Variants in CPED1 observed in about 807,000 individuals in gnomAD.
CPED1 encodes the protein cadherin like and PC-esterase domain containing 1.
CPED1 carries 114 observed loss-of-function variants against 128.2 expected under a neutral mutation model. The ratio of observed to expected loss-of-function variants is 0.89; its 90% CI spans 0.76 to 1.04. The LOEUF (loss-of-function observed/expected upper bound fraction) is 1.04. Ranked by LOEUF, CPED1 falls within the 50% of genes least tolerant of loss-of-function variation. The pLI is 0.00. For synonymous variants in CPED1, 462 were observed against 426.7 expected (o/e 1.08, Z -1.02); for missense variants, 1,211 against 1,207.1 (o/e 1.00, Z -0.05).
At position 121,128,993 on chromosome 7, in the gene CPED1, G is replaced by GATATA. The variant is rs1584533224; in HGVS notation, c.1407+507_1407+508insATATA. Among the ~76,000 whole-genome samples the GATATA allele has an allele frequency of 2.6e-5, 4 of 151,610 alleles. No individual in the cohort carries two copies. The East Asian group carries it at 5.8e-4, about 22-fold the overall frequency. On this transcript the variant is annotated intron_variant, in intron 11 of 22. Coordinates refer to ENST00000310396, the MANE Select transcript of CPED1 (RefSeq NM_024913.5). ...AATGTAAATAATTATAACTTTTACT[G>GATATA]GCTTATATCTTTTAAAAAAGGCATT...
chr7:121,169,156 C>T (rs972586829), intron 16 of CPED1, among the ~76,000 whole-genome samples: 26 of 152,246 alleles, frequency 1.7e-4, no homozygotes, highest in African/African-American at 6.0e-4. Context: ...CAAGTTTCAA[C>T]ATTAAATAGG....
Position 121,128,382 on chromosome 7 carries a change from G to C in CPED1, c.1303G>C (p.Gly435Arg). 1 of 1,539,924 alleles carries C rather than the reference G, an allele frequency of 6.5e-7. No homozygotes were observed. The highest frequency in any genetic ancestry group is 9.0e-7 in the Non-Finnish European group (1 of 1,113,326). ...AAGTTCTTTCCCCCTACCAATACAGGGTGAAAACTATCAAAAGGAACTAAA... is the reference window on the plus strand; with the variant it reads ...AAGTTCTTTCCCCCTACCAATACAGCGTGAAAACTATCAAAAGGAACTAAA... Reference protein sequence around the residue: ...QRLYRSDVFKGENYQKELNQC... With the variant: ...QRLYRSDVFKRENYQKELNQC... Residue 435 changes from glycine (G) to arginine (R), a missense_variant and splice_region_variant, in exon 11 of 23, where the codon GGT becomes CGT. Transcript: ENST00000310396.
Position 120,989,798 on chromosome 7 carries a change from C to A in CPED1, c.177C>A (p.Ser59Arg), listed in dbSNP as rs755272926. 8.7e-6 allele frequency: 14 copies of A among 1,613,956 alleles called. No homozygotes were observed. Among genetic ancestry groups the A allele is most frequent in the African/African-American group, 1.3e-5 (1 of 74,888 alleles). The change falls in exon 2 of 23, where the codon AGC (serine) becomes AGA (arginine). Residue 59 changes from serine (S) to arginine (R), a missense_variant. Coordinates refer to ENST00000310396, the MANE Select transcript of CPED1 (RefSeq NM_024913.5). ...VPHTSTETQA[S>R]RCKKGFSQDK... ...ACACATCCACTGAAACCCAGGCAAGCAGATGCAAGAAAGGATTCTCTCAGG... is the reference window on the plus strand; with the variant it reads ...ACACATCCACTGAAACCCAGGCAAGAAGATGCAAGAAAGGATTCTCTCAGG...
intron 21 of CPED1, among the ~76,000 whole-genome samples, chr7:121,270,021 G>A (rs1470539098): frequency 6.6e-6 from 1 of 151,900 alleles, no homozygotes; most frequent in Non-Finnish European, 1.5e-5. Flanking sequence ...AGAGGCGGGA[G>A]GTGCCAGACT....
intron 7 of CPED1, among the ~76,000 whole-genome samples, chr7:121,122,142 T>TTG (rs1337644058): frequency 6.7e-6 from 1 of 148,826 alleles, no homozygotes; most frequent in Non-Finnish European, 1.5e-5. Flanking sequence ...CATCTGGATT[T>TTG]TTTTTTTTTT....
chr7:121,146,941 C>T (rs1194740807), intron 16 of CPED1, among the ~76,000 whole-genome samples: 2 of 152,012 alleles, frequency 1.3e-5, no homozygotes, highest in African/African-American at 4.8e-5. Context: ...TTCTTTGTTC[C>T]AGGGAAGTTA....
At chr7:121,143,351 A>G (rs1795947712) in intron 16 of CPED1, among the ~76,000 whole-genome samples, 1 of 152,000 alleles carries the variant, frequency 6.6e-6, no homozygotes, top group African/African-American at 2.4e-5. Flanking sequence ...ATGGTGGTTC[A>G]TTTATAGTAC....
chr7:121,034,247 CTTT>C (rs3067998), intron 3 of CPED1, among the ~76,000 whole-genome samples: 1 of 113,952 alleles, frequency 8.8e-6, no homozygotes, highest in Non-Finnish European at 1.7e-5. Context: ...GTTTTTTTTT[CTTT>C]TTTTTTTTTT....
chr7:121,094,725 T>G (rs1164963196), intron 5 of CPED1, among the ~76,000 whole-genome samples: 1 of 152,174 alleles, frequency 6.6e-6, no homozygotes, highest in East Asian at 1.9e-4. Context: ...AAAGCCCAGG[T>G]CTCCTGTTTC....
intron 18 of CPED1, among the ~76,000 whole-genome samples, chr7:121,257,299 C>T (rs541500029): frequency 2.6e-5 from 4 of 152,006 alleles, no homozygotes; most frequent in African/African-American, 4.8e-5. Flanking sequence ...CCTGCAAGAC[C>T]GTCCAGGTCA....
intron 18 of CPED1, among the ~76,000 whole-genome samples, chr7:121,262,650 T>C (rs574760592): frequency 3.9e-5 from 6 of 152,236 alleles, no homozygotes; most frequent in African/African-American, 1.4e-4. Context: ...ATAAATTGTA[T>C]GCCTAGTCAT....
At chr7:121,163,414 G>A (rs1206951439) in intron 16 of CPED1, among the ~76,000 whole-genome samples, 2 of 152,164 alleles carry the variant, frequency 1.3e-5, no homozygotes, top group African/African-American at 4.8e-5. Flanking sequence ...AAAATGGACA[G>A]GAATCAAGGG....
At chr7:121,243,032 C>T (rs1331798844) in intron 17 of CPED1, among the ~76,000 whole-genome samples, 2 of 152,008 alleles carry the variant, frequency 1.3e-5, no homozygotes, top group East Asian at 3.9e-4. Flanking sequence ...AATCCTTTCC[C>T]CTAAAATTAA....
intron 10 of CPED1, 91 bp downstream of exon 10, chr7:121,127,348 A>G: frequency 1.3e-6 from 1 of 774,150 alleles, no homozygotes; most frequent in Non-Finnish European, 2.1e-6. Flanking sequence ...GCAACTTGAT[A>G]ATTCACTTCA....
intron 2 of CPED1, 23 bp from the exon 3 acceptor site, chr7:121,015,642 A>T: frequency 1.9e-6 from 3 of 1,584,436 alleles, no homozygotes; most frequent in Admixed American, 1.9e-5. Flanking sequence ...TTTATATTGA[A>T]TTTTTATGCC....
At chr7:121,086,789 G>A (rs1794435487) in intron 5 of CPED1, among the ~76,000 whole-genome samples, 1 of 152,156 alleles carries the variant, frequency 6.6e-6, no homozygotes, top group Admixed American at 6.5e-5. Flanking sequence ...GGATAAGGGT[G>A]GCCATGAACT....
intron 3 of CPED1, among the ~76,000 whole-genome samples, chr7:121,034,301 G>A (rs921037413): frequency 7.2e-6 from 1 of 139,586 alleles, no homozygotes; most frequent in African/African-American, 2.7e-5. Flanking sequence ...AGGCTGGAGT[G>A]CAATGGCATG....
intron 3 of CPED1, 125 bp downstream of exon 3, chr7:121,015,973 C>T: frequency 1.7e-6 from 1 of 588,314 alleles, no homozygotes; most frequent in East Asian, 3.5e-5. Flanking sequence ...GACCAACTTT[C>T]TCACATCATA....
intron 5 of CPED1, among the ~76,000 whole-genome samples, chr7:121,081,591 C>T (rs1025559946): frequency 2.0e-5 from 3 of 152,126 alleles, no homozygotes; most frequent in African/African-American, 7.2e-5. Context: ...AGCAGCTGTG[C>T]AATCCCAGTG....
Sources: allele counts gnomAD v4.1 joint callset (sites outside exome capture counted in the v4.1 genomes callset), GRCh38; gene constraint gnomAD v4.1.1; transcripts MANE v1.5; gene names NCBI Gene and HGNC (gene_info 2026-07-23, HGNC 2026-07-21).